FOXP2: variants seen among roughly 807,000 people sequenced by gnomAD.
The protein encoded by FOXP2 is forkhead box protein P2.
In FOXP2, 12 loss-of-function variants were observed where a neutral mutation model predicts 115.8. The ratio of observed to expected loss-of-function variants is 0.10; its 90% CI spans 0.07 to 0.17. The LOEUF is 0.17. Ranked by LOEUF, FOXP2 falls within the 10% of genes least tolerant of loss-of-function variation. The probability of loss-of-function intolerance (pLI) is 1.00; values close to 1 mark genes in which losing one functional copy is unlikely to be tolerated. For synonymous variants in FOXP2, 328 were observed against 297.7 expected (o/e 1.10, Z -1.05); for missense variants, 629 against 843.5 (o/e 0.75, Z 3.15).
At chr7:114,346,779 CT>C (rs773320721) in intron 2 of FOXP2, among the ~76,000 whole-genome samples, 17 of 151,518 alleles carry the variant, frequency 1.1e-4, no homozygotes, top group Non-Finnish European at 1.6e-4. Flanking sequence ...TTATCAGAGA[CT>C]GGATGGAGAG....
At chr7:114,096,149 A>T (rs190241503) in intron 1 of FOXP2, among the ~76,000 whole-genome samples, 1 of 152,222 alleles carries the variant, frequency 6.6e-6, no homozygotes. Flanking sequence ...CTTTGTCACC[A>T]TCAGCTCACT....
At chr7:114,147,773 G>A (rs897463206) in intron 1 of FOXP2, among the ~76,000 whole-genome samples, 4 of 152,094 alleles carry the variant, frequency 2.6e-5, no homozygotes, top group Non-Finnish European at 4.4e-5. Flanking sequence ...TTTTCTGCCT[G>A]CATCTTAAGA....
chr7:114,394,326 T>C (rs1562902096), intron 2 of FOXP2, among the ~76,000 whole-genome samples: 1 of 151,214 alleles, frequency 6.6e-6, no homozygotes, highest in Non-Finnish European at 1.5e-5. Context: ...TAACAAATAA[T>C]TACAAGGTAA....
intron 1 of FOXP2, among the ~76,000 whole-genome samples, chr7:114,109,798 T>G (rs1284512447): frequency 6.6e-6 from 1 of 152,138 alleles, no homozygotes. Context: ...TCAGAACATT[T>G]ACAGTCTTAA....
chr7:114,374,590 CGGAATTAA>C (rs1213924961), intron 2 of FOXP2, among the ~76,000 whole-genome samples: 2 of 152,060 alleles, frequency 1.3e-5, no homozygotes, highest in Non-Finnish European at 2.9e-5. Context: ...TTGTATCCAG[CGGAATTAA>C]GGAATTAAGG....
At chr7:114,427,892 T>C (rs1247768972) in intron 2 of FOXP2, among the ~76,000 whole-genome samples, 6 of 151,672 alleles carry the variant, frequency 4.0e-5, no homozygotes, top group African/African-American at 1.5e-4. Context: ...TCTATTATTT[T>C]ACAATTTTCA....
chr7:114,513,281 G>A (rs1352067934), intron 2 of FOXP2, among the ~76,000 whole-genome samples: 2 of 152,054 alleles, frequency 1.3e-5, no homozygotes, highest in Non-Finnish European at 2.9e-5. Flanking sequence ...CCAACAAATG[G>A]TCAGGGGACA....
chr7:114,594,920 G>A (rs1802617443), intron 3 of FOXP2, among the ~76,000 whole-genome samples: 1 of 151,910 alleles, frequency 6.6e-6, no homozygotes, highest in Non-Finnish European at 1.5e-5. Flanking sequence ...ACTGCTTGTG[G>A]AAAAAGAAAG....
chr7:114,355,240 C>T (rs529172824), intron 2 of FOXP2, among the ~76,000 whole-genome samples: 4 of 152,210 alleles, frequency 2.6e-5, no homozygotes, highest in East Asian at 3.9e-4. Context: ...GGCCTCTCTG[C>T]GGTGTCAGAA....
At chr7:114,387,555 G>A (rs989209189) in intron 2 of FOXP2, among the ~76,000 whole-genome samples, 1 of 152,138 alleles carries the variant, frequency 6.6e-6, no homozygotes, top group Non-Finnish European at 1.5e-5. Context: ...GGCCAAATAA[G>A]TGTATGCTTT....
intron 1 of FOXP2, among the ~76,000 whole-genome samples, chr7:114,150,136 A>C (rs766247806): frequency 6.6e-6 from 1 of 152,028 alleles, no homozygotes; most frequent in Admixed American, 6.6e-5. Context: ...TTTTACTTCA[A>C]TTCTTAAAGG....
intron 3 of FOXP2, among the ~76,000 whole-genome samples, chr7:114,556,354 A>G (rs1374460399): frequency 6.6e-6 from 1 of 152,138 alleles, no homozygotes; most frequent in Non-Finnish European, 1.5e-5. Flanking sequence ...CCAACACCAG[A>G]TAAGCAGAAG....
At chr7:114,117,606 T>C (rs1054707991) in intron 1 of FOXP2, among the ~76,000 whole-genome samples, 2 of 152,164 alleles carry the variant, frequency 1.3e-5, no homozygotes, top group African/African-American at 4.8e-5. Context: ...TAAATTACTT[T>C]AAACTTCTGT....
chr7:114,266,964 T>C (rs1306059449), intron 1 of FOXP2, among the ~76,000 whole-genome samples: 1 of 152,178 alleles, frequency 6.6e-6, no homozygotes, highest in Non-Finnish European at 1.5e-5. Flanking sequence ...AAATTAGTGT[T>C]GTAATCATCT....
At chr7:114,362,936 A>G (rs1034895994) in intron 2 of FOXP2, among the ~76,000 whole-genome samples, 1 of 152,070 alleles carries the variant, frequency 6.6e-6, no homozygotes, top group South Asian at 2.1e-4. Flanking sequence ...ACTGGAAGAG[A>G]AGTCTATAAT....
At chr7:114,255,029 A>T (rs1385284835) in intron 1 of FOXP2, among the ~76,000 whole-genome samples, 1 of 152,174 alleles carries the variant, frequency 6.6e-6, no homozygotes, top group African/African-American at 2.4e-5. Context: ...CCTCAGCTGC[A>T]GGTCTGTCGG....
intron 2 of FOXP2, among the ~76,000 whole-genome samples, chr7:114,290,728 G>A (rs2129176395): frequency 6.6e-6 from 1 of 152,094 alleles, no homozygotes; most frequent in Non-Finnish European, 1.5e-5. Flanking sequence ...TGCAAGGTTG[G>A]AAATCAGATT....
chr7:114,224,266 TATATG>T (rs1219336482), intron 1 of FOXP2, among the ~76,000 whole-genome samples: 2 of 152,294 alleles, frequency 1.3e-5, no homozygotes, highest in East Asian at 3.9e-4. Flanking sequence ...GTTGCTTTTT[TATATG>T]AATTTTACAA....
chr7:114,455,651 A>G (rs1191510993), intron 2 of FOXP2, among the ~76,000 whole-genome samples: 1 of 152,180 alleles, frequency 6.6e-6, no homozygotes, highest in African/African-American at 2.4e-5. Context: ...TCAAACTATT[A>G]GTCTTATAGT....
Sources: gnomAD v4.1 joint callset for allele counts (sites outside exome capture counted in the v4.1 genomes callset) on GRCh38, gnomAD v4.1.1 for gene constraint, MANE v1.5 for transcripts, NCBI Gene and HGNC (gene_info 2026-07-23, HGNC 2026-07-21) for gene names.